ZNF385D: variants seen among roughly 807,000 people sequenced by gnomAD.
ZNF385D encodes zinc finger protein 385D, also known as zinc finger protein 659.
ZNF385D carries 15 observed loss-of-function variants against 35.8 expected under a neutral mutation model. The ratio of observed to expected loss-of-function variants is 0.42; its 90% confidence interval spans 0.28 to 0.64. The LOEUF (loss-of-function observed/expected upper bound fraction) is 0.64. Ranked by LOEUF, ZNF385D falls within the 30% of genes least tolerant of loss-of-function variation. ZNF385D has a pLI of 0.23. For synonymous variants in ZNF385D, 212 were observed against 186.8 expected, an observed-to-expected ratio of 1.13 and a Z score of -1.10; for missense variants, 474 against 494.6, an observed-to-expected ratio of 0.96 and a Z score of 0.39.
intron 4 of ZNF385D, among the ~76,000 whole-genome samples, chr3:21,493,508 C>T (rs1159000747): frequency 6.6e-6 from 1 of 152,078 alleles, no homozygotes; most frequent in African/African-American, 2.4e-5. Flanking sequence ...ACTATGACCT[C>T]TGAACTCTGG....
At chr3:22,119,633 G>T (rs1388474147) in intron 3 of ZNF385D, among the ~76,000 whole-genome samples, 1 of 152,014 alleles carries the variant, frequency 6.6e-6, no homozygotes, top group African/African-American at 2.4e-5. Context: ...TTTATAGCTA[G>T]CTTATGGTTA....
chr3:21,498,444 A>T (rs1706088878), intron 4 of ZNF385D, among the ~76,000 whole-genome samples: 1 of 152,206 alleles, frequency 6.6e-6, no homozygotes, highest in African/African-American at 2.4e-5. Context: ...ATGGAAGAAT[A>T]TATTTGCAAA....
At chr3:21,728,887 G>A (rs1050130279) in intron 1 of ZNF385D, among the ~76,000 whole-genome samples, 13 of 152,230 alleles carry the variant, frequency 8.5e-5, no homozygotes, top group African/African-American at 2.9e-4. Context: ...AATAACTGGC[G>A]CTTCCTAAGA....
chr3:21,884,662 C>T (rs1698448820), intron 3 of ZNF385D, among the ~76,000 whole-genome samples: 1 of 152,006 alleles, frequency 6.6e-6, no homozygotes, highest in South Asian at 2.1e-4. Flanking sequence ...TTACTATCAT[C>T]TGTTCTCTAA....
At chr3:21,981,186 A>C (rs781103370) in intron 3 of ZNF385D, among the ~76,000 whole-genome samples, 6 of 152,188 alleles carry the variant, frequency 3.9e-5, no homozygotes, top group African/African-American at 1.4e-4. Context: ...TCCTACCAAC[A>C]GTGTATAAAT....
chr3:22,136,352 T>G lies in ZNF385D; in HGVS notation c.325+32465A>C, dbSNP rs532783514. On this transcript the variant is annotated intron_variant, in intron 3 of 5. Transcript: ENST00000494108. ...GCACTGAGCCAAGATCACACCACTT[T>G]ATTTCCGCCTGGGCGACAAAGTGAG... 1.7e-4 allele frequency among the ~76,000 whole-genome samples: 26 copies of G among 151,756 alleles called. No homozygotes were observed. The East Asian group carries it at 4.7e-3, about 27-fold the overall frequency.
intron 3 of ZNF385D, among the ~76,000 whole-genome samples, chr3:21,515,883 G>A (rs1707527035): frequency 6.6e-6 from 1 of 152,140 alleles, no homozygotes; most frequent in African/African-American, 2.4e-5. Context: ...GAGTCATGTG[G>A]CCAGAGGTCA....
intron 3 of ZNF385D, among the ~76,000 whole-genome samples, chr3:21,828,074 G>A (rs1053300862): frequency 2.0e-5 from 3 of 152,072 alleles, no homozygotes; most frequent in African/African-American, 7.2e-5. Context: ...CTAAATCTAT[G>A]GGAATATTAT....
rs549026292 is a variant in ZNF385D, at chr3:21,414,204, A to T, written c.*7010T>A. ...GTGGATTTACAAAACAAAACAAAAC[A>T]AAACAAAACAAAACAAAAAAAAGTT... On this transcript the variant is annotated 3_prime_UTR_variant, in exon 8 of 8. Coordinates refer to ENST00000281523, the MANE Select transcript of ZNF385D (RefSeq NM_024697.3). The T allele has an allele frequency of 8.5e-6, 1 of 117,326 alleles. No individual in the cohort carries two copies. Among genetic ancestry groups the T allele is most frequent in the African/African-American group, 2.8e-5 (1 of 35,902 alleles). The allele number at this position is 117,326 out of a possible 1,614,324, so 7.3% of individuals were successfully genotyped here.
chr3:21,431,435 A>T (rs968917876), intron 5 of ZNF385D, among the ~76,000 whole-genome samples: 2 of 152,182 alleles, frequency 1.3e-5, no homozygotes, highest in Non-Finnish European at 2.9e-5. Flanking sequence ...TTCTGTGATG[A>T]TAAAAATATT....
rs1000332349 is a variant in ZNF385D at position 21,533,849 on chromosome 3, C to A, written c.277-22826G>T. Among the ~76,000 whole-genome samples, 48 of 151,952 alleles carry A rather than the reference C, an allele frequency of 3.2e-4. 1 individual carries two copies. The highest frequency in any genetic ancestry group is 1.1e-3 in the African/African-American group (47 of 41,402). ...AAAGGAGAGACTATATTGGCAGAGC[C>A]CAGTTAACATTCAATTATATTACTG... On this transcript the variant is annotated intron_variant, in intron 3 of 7. Transcript: ENST00000281523.
At chr3:21,510,731 T>C in intron 4 of ZNF385D, 130 bp downstream of exon 4, 1 of 1,191,858 alleles carries the variant, frequency 8.4e-7, no homozygotes, top group South Asian at 1.5e-5. Flanking sequence ...ACAATTACCA[T>C]TATACAGAAA....
intron 2 of ZNF385D, among the ~76,000 whole-genome samples, chr3:22,356,701 G>A (rs1430106604): frequency 1.3e-5 from 2 of 151,892 alleles, no homozygotes; most frequent in African/African-American, 2.4e-5. Context: ...TAGAGGAATC[G>A]ACGACAAATC....
At chr3:22,331,360 A>C (rs369093893) in intron 2 of ZNF385D, among the ~76,000 whole-genome samples, 1 of 149,746 alleles carries the variant, frequency 6.7e-6, no homozygotes, top group Non-Finnish European at 1.5e-5. Context: ...TTTCTAAGCA[A>C]TTAATGTAAA....
At position 21,416,895 on chromosome 3, in the gene ZNF385D, A is replaced by C. The variant is rs541810502; in HGVS notation, c.*4319T>G. On this transcript the variant is annotated 3_prime_UTR_variant, in exon 8 of 8. Transcript: ENST00000281523. ...TGCATTTAAATTGTTGTTCCCTTCC[A>C]CACCCCCACTGCCAGCTGTCTATTG... 2 of 152,166 alleles carry C rather than the reference A, an allele frequency of 1.3e-5. No homozygotes were observed. Among genetic ancestry groups the C allele is most frequent in the African/African-American group, 4.8e-5 (2 of 41,526 alleles). 9.4% of individuals were successfully genotyped at this position (152,166 alleles called of 1,614,324 possible).
At chr3:21,615,736 A>G (rs537784504) in intron 2 of ZNF385D, among the ~76,000 whole-genome samples, 2 of 151,922 alleles carry the variant, frequency 1.3e-5, no homozygotes, top group African/African-American at 4.8e-5. Context: ...AAACTATCTT[A>G]TAAGGCCTCC....
intron 3 of ZNF385D, among the ~76,000 whole-genome samples, chr3:21,862,649 A>C (rs943055846): frequency 1.3e-5 from 2 of 152,146 alleles, no homozygotes; most frequent in African/African-American, 4.8e-5. Context: ...ACTGAATTAG[A>C]GAGAACCAAT....
intron 3 of ZNF385D, among the ~76,000 whole-genome samples, chr3:21,529,119 G>T (rs2061859104): frequency 6.6e-6 from 1 of 151,912 alleles, no homozygotes; most frequent in Admixed American, 6.6e-5. Context: ...TTTTTTGTCA[G>T]TTCTTACTAA....
At chr3:22,145,749 AC>A (rs1704809719) in intron 3 of ZNF385D, among the ~76,000 whole-genome samples, 1 of 152,200 alleles carries the variant, frequency 6.6e-6, no homozygotes, top group Non-Finnish European at 1.5e-5. Flanking sequence ...CTGTATTTAT[AC>A]CAGGAAATGA....
Sources: gnomAD v4.1 joint callset for allele counts (sites outside exome capture counted in the v4.1 genomes callset) on GRCh38, gnomAD v4.1.1 for gene constraint, MANE v1.5 for transcripts, NCBI Gene and HGNC (gene_info 2026-07-23, HGNC 2026-07-21) for gene names.